LIMCH1: variants seen among roughly 807,000 people sequenced by gnomAD.
LIMCH1 encodes the protein LIM and calponin homology domains-containing protein 1.
In LIMCH1, 113 loss-of-function variants were observed where a neutral mutation model predicts 176.5. That is an observed-to-expected ratio of 0.64 (90% CI 0.55 to 0.75). LIMCH1 has a LOEUF of 0.75. Among genes scored for constraint, LIMCH1 ranks in the 30% least tolerant of loss-of-function variants. The pLI is 0.00. For missense variants in LIMCH1, 1,674 were observed against 1,814.9 expected (o/e 0.92, Z 1.41); for synonymous variants, 619 against 645.9 (o/e 0.96, Z 0.63).
intron 1 of LIMCH1, among the ~76,000 whole-genome samples, chr4:41,399,304 C>A (rs567209268): frequency 6.6e-5 from 10 of 151,810 alleles, no homozygotes; most frequent in Admixed American, 3.9e-4. Context: ...GAAAAAAAAA[C>A]CCATAAGAAT....
At chr4:41,498,358 C>T (rs943783481) in intron 2 of LIMCH1, among the ~76,000 whole-genome samples, 5 of 152,046 alleles carry the variant, frequency 3.3e-5, no homozygotes, top group Admixed American at 1.3e-4. Flanking sequence ...ACTCCTATGC[C>T]GGAATACTAA....
chr4:41,419,263 C>T (rs1189341749), intron 1 of LIMCH1, among the ~76,000 whole-genome samples: 4 of 151,970 alleles, frequency 2.6e-5, no homozygotes, highest in Non-Finnish European at 5.9e-5. Context: ...CTGCAACCTT[C>T]GCCTCCCGGG....
At chr4:41,628,126 G>C (rs2093086483) in intron 8 of LIMCH1, among the ~76,000 whole-genome samples, 1 of 152,144 alleles carries the variant, frequency 6.6e-6, no homozygotes, top group African/African-American at 2.4e-5. Flanking sequence ...CTGTTGGCAG[G>C]CCTTGTAACA....
intron 26 of LIMCH1, 118 bp from the exon 27 acceptor site, chr4:41,684,279 A>G: frequency 1.3e-6 from 1 of 745,058 alleles, no homozygotes; most frequent in Non-Finnish European, 2.0e-6. Flanking sequence ...ATAAATAAAG[A>G]GTCCCATCTC....
chr4:41,405,666 A>G (rs187680349), intron 1 of LIMCH1, among the ~76,000 whole-genome samples: 23 of 152,298 alleles, frequency 1.5e-4, no homozygotes, highest in African/African-American at 5.5e-4. Context: ...GTAGCTGTTC[A>G]ATAAAAGCTT....
chr4:41,633,169 G>A (rs1455101403), intron 12 of LIMCH1, 84 bp downstream of exon 12: 5 of 945,318 alleles, frequency 5.3e-6, no homozygotes, highest in Non-Finnish European at 8.0e-6. Context: ...ACAGCTTAAA[G>A]TCACAGTCTG....
intron 1 of LIMCH1, among the ~76,000 whole-genome samples, chr4:41,401,349 C>T (rs61207344): frequency 0.01 from 1,564 of 152,122 alleles, 20 homozygotes; most frequent in African/African-American, 0.036. Context: ...TGTAGATATG[C>T]GGCGTTATTT....
Position 41,685,807 on chromosome 4 carries a change from C to A in LIMCH1, c.4065C>A (p.Ile1355=). The change falls in exon 28 of 32, where the codon ATC becomes ATA. Residue 1355 remains isoleucine, a synonymous_variant. Coordinates refer to ENST00000503057, the MANE Select transcript of LIMCH1 (RefSeq NM_001330672.2). The part of the protein sequence containing the change: ...LPLDKSINHQ[I]ESPSERRKKS... ...TGGATAAAAGCATTAACCATCAGAT[C>A]GAGTCTCCCAGTGAAAGGCGGAAGT... 6.2e-7 allele frequency: 1 copy of A among 1,613,202 alleles called. No homozygotes were observed. Among genetic ancestry groups the A allele is most frequent in the Non-Finnish European group, 8.5e-7 (1 of 1,179,500 alleles).
At chr4:41,669,784 G>T (rs375084040) in intron 21 of LIMCH1, among the ~76,000 whole-genome samples, 106 of 152,268 alleles carry the variant, frequency 7.0e-4, no homozygotes, top group Non-Finnish European at 1.3e-3. Flanking sequence ...GGGAGGCATA[G>T]GTCTCTGCCC....
At chr4:41,531,538 C>T (rs181985836) in intron 3 of LIMCH1, among the ~76,000 whole-genome samples, 1 of 150,034 alleles carries the variant, frequency 6.7e-6, no homozygotes, top group Non-Finnish European at 1.5e-5. Context: ...TACTTGCCAA[C>T]TCTCCCAAAC....
chr4:41,459,543 C>T (rs1192029504), intron 1 of LIMCH1, among the ~76,000 whole-genome samples: 1 of 152,090 alleles, frequency 6.6e-6, no homozygotes, highest in Non-Finnish European at 1.5e-5. Flanking sequence ...CTCAAGCAGT[C>T]CTCCTGCCTC....
chr4:41,575,035 A>G, intron 1 of LIMCH1, among the ~76,000 whole-genome samples: 1 of 152,126 alleles, frequency 6.6e-6, no homozygotes, highest in East Asian at 1.9e-4. Context: ...ATTATGTGAA[A>G]TCACACACCC....
At chr4:41,657,364 T>C (rs1228095183) in intron 18 of LIMCH1, among the ~76,000 whole-genome samples, 3 of 152,220 alleles carry the variant, frequency 2.0e-5, no homozygotes, top group Non-Finnish European at 2.9e-5. Context: ...TTTGAACTCA[T>C]TTCCTTCGAA....
At chr4:41,569,036 T>C (rs1312824542) in intron 1 of LIMCH1, among the ~76,000 whole-genome samples, 1 of 152,212 alleles carries the variant, frequency 6.6e-6, no homozygotes, top group Non-Finnish European at 1.5e-5. Flanking sequence ...AACATTGTAC[T>C]AAATAGAAAT....
At chr4:41,500,406 G>A (rs2073057041) in intron 2 of LIMCH1, among the ~76,000 whole-genome samples, 1 of 151,994 alleles carries the variant, frequency 6.6e-6, no homozygotes, top group African/African-American at 2.4e-5. Flanking sequence ...CCAATCCATT[G>A]GCATCCATAC....
At chr4:41,695,285 A>G (rs1043924915) in intron 31 of LIMCH1, among the ~76,000 whole-genome samples, 1 of 151,206 alleles carries the variant, frequency 6.6e-6, no homozygotes. Context: ...ACTCTCATTT[A>G]AAGTGTATAA....
intron 2 of LIMCH1, among the ~76,000 whole-genome samples, chr4:41,511,351 TCCA>T (rs1163181056): frequency 6.6e-5 from 10 of 152,212 alleles, no homozygotes; most frequent in African/African-American, 2.4e-4. Context: ...CACCTTTCCC[TCCA>T]CCACAACATC....
intron 9 of LIMCH1, 82 bp downstream of exon 9, chr4:41,629,816 T>TG: frequency 2.2e-5 from 7 of 315,482 alleles, no homozygotes; most frequent in Non-Finnish European, 3.1e-5. Flanking sequence ...TCTTTGTGTC[T>TG]TTTTTTTTTT....
chr4:41,506,594 C>T (rs938781990), intron 2 of LIMCH1, among the ~76,000 whole-genome samples: 1 of 152,012 alleles, frequency 6.6e-6, no homozygotes, highest in Admixed American at 6.6e-5. Context: ...AATGTAAAAC[C>T]AACAAAGATT....
Sources: gnomAD v4.1 joint callset for allele counts (sites outside exome capture counted in the v4.1 genomes callset) on GRCh38, gnomAD v4.1.1 for gene constraint, MANE v1.5 for transcripts, NCBI Gene and HGNC (gene_info 2026-07-23, HGNC 2026-07-21) for gene names.